NWD2: variants seen among roughly 807,000 people sequenced by gnomAD.
NWD2 encodes NACHT and WD repeat domain-containing protein 2.
Under a neutral mutation model 132.7 loss-of-function variants are expected in NWD2, and 37 were observed. The ratio of observed to expected loss-of-function variants is 0.28; its 90% CI spans 0.21 to 0.37. The LOEUF is 0.37. Ranked by LOEUF, NWD2 falls within the 10% of genes least tolerant of loss-of-function variation. NWD2 has a pLI of 1.00. For missense variants in NWD2, 1,592 were observed against 2,122.4 expected (o/e 0.75, Z 4.91); for synonymous variants, 705 against 803.0 (o/e 0.88, Z 2.06).
At chr4:37,390,567 G>A (rs1349292126) in intron 3 of NWD2, among the ~76,000 whole-genome samples, 1 of 152,076 alleles carries the variant, frequency 6.6e-6, no homozygotes, top group Non-Finnish European at 1.5e-5. Context: ...GATTTATTTG[G>A]TCTCTAGTGT....
In NWD2 at chr4:37,439,144, G is replaced by C. The variant is rs1022418879; in HGVS notation, c.1050G>C (p.Met350Ile). 6.4e-7 allele frequency: 1 copy of C among 1,551,336 alleles called. No homozygotes were observed. Among genetic ancestry groups the C allele is most frequent in the African/African-American group, 1.4e-5 (1 of 73,126 alleles). The change falls in exon 6 of 7, where the codon ATG becomes ATC. Residue 350 changes from methionine (M) to isoleucine (I), a missense_variant. By Grantham distance (10) the Met-to-Ile change is conservative. This residue lies in a region of NWD2 where 1,071 missense variants were observed against 1,398.0 expected (regional missense o/e 0.77). Transcript: ENST00000309447. This position sits in a 1 kb window ranked among gnomAD's most constrained non-coding sequence, Gnocchi z 4.5. ...EGLGKQFYED[M>I]IDIIQATIQQ... ...TTGGTAAACAATTTTATGAGGACATGATTGATATAATTCAGGCAACGATAC... is the reference window on the plus strand; with the variant it reads ...TTGGTAAACAATTTTATGAGGACATCATTGATATAATTCAGGCAACGATAC...
chr4:37,356,072 C>A (rs1327397789), intron 2 of NWD2, among the ~76,000 whole-genome samples: 2 of 152,156 alleles, frequency 1.3e-5, no homozygotes, highest in South Asian at 2.1e-4. Flanking sequence ...CCTTAAAATT[C>A]TGTTTCCATT....
intron 2 of NWD2, among the ~76,000 whole-genome samples, chr4:37,341,487 C>A (rs1719523012): frequency 6.6e-6 from 1 of 152,064 alleles, no homozygotes; most frequent in South Asian, 2.1e-4. Context: ...TGTGTGAGTG[C>A]ATGTATGTAT....
At chr4:37,359,652 T>C (rs1719941279) in intron 3 of NWD2, among the ~76,000 whole-genome samples, 1 of 152,148 alleles carries the variant, frequency 6.6e-6, no homozygotes, top group Non-Finnish European at 1.5e-5. Flanking sequence ...TTAGCCTTTA[T>C]GTTAGGTCCA....
intron 3 of NWD2, among the ~76,000 whole-genome samples, chr4:37,393,522 G>T (rs952651494): frequency 1.3e-5 from 2 of 152,082 alleles, no homozygotes; most frequent in Non-Finnish European, 2.9e-5. Flanking sequence ...AAAGAAGATG[G>T]TCCAGACATA....
chr4:37,284,630 G>A (rs996191218), intron 1 of NWD2, among the ~76,000 whole-genome samples: 1 of 152,118 alleles, frequency 6.6e-6, no homozygotes. Context: ...TTCCTTTTTA[G>A]CATGAATTGC....
intron 1 of NWD2, among the ~76,000 whole-genome samples, chr4:37,245,794 G>A (rs930454792): frequency 6.6e-6 from 1 of 152,170 alleles, no homozygotes; most frequent in South Asian, 2.1e-4. Flanking sequence ...AACAGGCTTC[G>A]CGGTGGGGCG....
rs1281376403 is a variant in NWD2, at chr4:37,438,931, G to A, written c.837G>A (p.Met279Ile). 3 of 1,551,916 alleles carry A rather than the reference G, an allele frequency of 1.9e-6. No homozygotes were observed. The highest frequency in any genetic ancestry group is 1.4e-5 in the African/African-American group (1 of 73,030). ...AAATCCCAGAGATGGGAAAATACAT[G>A]GATATAACTGGAACAGAACCGAGGA... ...FVKIPEMGKYMDITGTEPRII... is the reference protein window; with the variant it reads ...FVKIPEMGKYIDITGTEPRII... Residue 279 changes from methionine (M) to isoleucine (I), a missense_variant, in exon 6 of 7, where the codon ATG (methionine) becomes ATA (isoleucine). This residue lies in a region of NWD2 where 1,071 missense variants were observed against 1,398.0 expected (regional missense o/e 0.77). Transcript: ENST00000309447.
rs1194841213 is a variant in NWD2 at position 37,244,910 on chromosome 4, C to T, written c.-158C>T. ...TCTCCTCGCCGGCGGGTGCTGTGCGCCACGGAGCTCGCCAAAGGCGCTTCG... is the reference window on the plus strand; with the variant it reads ...TCTCCTCGCCGGCGGGTGCTGTGCGTCACGGAGCTCGCCAAAGGCGCTTCG... On this transcript the variant is annotated 5_prime_UTR_variant, in exon 1 of 7. Transcript: ENST00000309447. This position sits in a 1 kb window ranked among gnomAD's most constrained non-coding sequence, Gnocchi z 5.5. The T allele has an allele frequency of 2.2e-6, 2 of 913,676 alleles. No individual in the cohort carries two copies. Among genetic ancestry groups the T allele is most frequent in the Non-Finnish European group, 1.6e-6 (1 of 633,246 alleles). 56.6% of individuals were successfully genotyped at this position (913,676 alleles called of 1,614,324 possible).
intron 2 of NWD2, among the ~76,000 whole-genome samples, chr4:37,332,214 G>A (rs1000455486): frequency 6.6e-6 from 1 of 151,934 alleles, no homozygotes; most frequent in African/African-American, 2.4e-5. Flanking sequence ...ATGGCCAAGG[G>A]AGTGCTTGCA....
At chr4:37,312,467 A>G (rs1488296368) in intron 1 of NWD2, among the ~76,000 whole-genome samples, 8 of 150,972 alleles carry the variant, frequency 5.3e-5, no homozygotes, top group Non-Finnish European at 2.9e-5. Flanking sequence ...TGTGATTTTT[A>G]TACATCGATT....
chr4:37,288,038 T>C (rs1718272191), intron 1 of NWD2, among the ~76,000 whole-genome samples: 1 of 152,118 alleles, frequency 6.6e-6, no homozygotes, highest in South Asian at 2.1e-4. Flanking sequence ...GAAACCATCA[T>C]CCTCAGCAAA....
intron 1 of NWD2, among the ~76,000 whole-genome samples, chr4:37,266,297 G>T (rs1470300803): frequency 6.6e-6 from 1 of 152,074 alleles, no homozygotes; most frequent in Non-Finnish European, 1.5e-5. Flanking sequence ...ACACAGACCA[G>T]GGGTGGATCT....
intron 2 of NWD2, 45 bp downstream of exon 2, chr4:37,326,069 A>G: frequency 8.1e-7 from 1 of 1,227,712 alleles, no homozygotes; most frequent in Non-Finnish European, 1.2e-6. Context: ...CCAGTTAAAT[A>G]ACTAGTGTTT....
intron 1 of NWD2, among the ~76,000 whole-genome samples, chr4:37,324,373 C>T (rs1282973630): frequency 6.6e-6 from 1 of 151,588 alleles, no homozygotes; most frequent in African/African-American, 2.4e-5. Flanking sequence ...TCTATATCTG[C>T]CAGTATTTGT....
intron 6 of NWD2, among the ~76,000 whole-genome samples, chr4:37,440,992 C>T (rs1187672925): frequency 6.6e-6 from 1 of 152,170 alleles, no homozygotes; most frequent in African/African-American, 2.4e-5. Context: ...TCAAATTGGT[C>T]CTCTTGAAGA....
intron 3 of NWD2, among the ~76,000 whole-genome samples, chr4:37,419,256 G>A (rs1197989594): frequency 1.3e-5 from 2 of 152,046 alleles, no homozygotes; most frequent in Admixed American, 1.3e-4. Flanking sequence ...AACTCAAGAT[G>A]GATTAAAGAC....
chr4:37,327,726 A>G (rs1451030918), intron 2 of NWD2, among the ~76,000 whole-genome samples: 2 of 152,148 alleles, frequency 1.3e-5, no homozygotes, highest in Non-Finnish European at 2.9e-5. Context: ...GTAGTCTTTT[A>G]TAGTAGGTTA....
intron 3 of NWD2, among the ~76,000 whole-genome samples, chr4:37,405,046 A>G (rs1212811371): frequency 6.6e-6 from 1 of 152,144 alleles, no homozygotes; most frequent in East Asian, 1.9e-4. Context: ...TCAGGCAATA[A>G]TCTTGTCTTC....
Sources: allele counts gnomAD v4.1 joint callset (sites outside exome capture counted in the v4.1 genomes callset), GRCh38; gene constraint gnomAD v4.1.1; regional missense constraint gnomAD v4.1.1; non-coding constraint Gnocchi (gnomAD v3.1); transcripts MANE v1.5; gene names NCBI Gene and HGNC (gene_info 2026-07-23, HGNC 2026-07-21).